The following ZNF804B variants were observed in gnomAD, a reference collection of about 807,000 sequenced individuals.
ZNF804B encodes the protein zinc finger protein 804B.
In ZNF804B, 80 loss-of-function variants were observed where a neutral mutation model predicts 101.4. The ratio of observed to expected loss-of-function variants is 0.79; its 90% confidence interval spans 0.66 to 0.95. The LOEUF is 0.95. Ranked by LOEUF, ZNF804B falls within the 40% of genes least tolerant of loss-of-function variation. ZNF804B has a pLI of 0.00. For missense variants in ZNF804B, 1,673 were observed against 1,561.9 expected (o/e 1.07, Z -1.20); for synonymous variants, 622 against 558.8 (o/e 1.11, Z -1.59).
intron 1 of ZNF804B, among the ~76,000 whole-genome samples, chr7:88,820,450 T>A (rs1790959163): frequency 6.6e-6 from 1 of 152,038 alleles, no homozygotes; most frequent in Admixed American, 6.6e-5. Context: ...CTGCCCATTA[T>A]CTCCTGGGAA....
chr7:89,220,052 T>TGTATATACAC (rs1788972616), intron 2 of ZNF804B, among the ~76,000 whole-genome samples: 1 of 136,366 alleles, frequency 7.3e-6, no homozygotes, highest in African/African-American at 2.9e-5. Context: ...TGTGCATATA[T>TGTATATACAC]ACATATATAC....
intron 1 of ZNF804B, among the ~76,000 whole-genome samples, chr7:88,983,694 A>G (rs1432467106): frequency 6.6e-6 from 1 of 152,098 alleles, no homozygotes; most frequent in Non-Finnish European, 1.5e-5. Context: ...TGAGTTAAAT[A>G]AAACATATTA....
intron 1 of ZNF804B, among the ~76,000 whole-genome samples, chr7:89,133,876 C>T (rs1790590317): frequency 6.6e-6 from 1 of 152,020 alleles, no homozygotes; most frequent in African/African-American, 2.4e-5. Context: ...TGGGGAACTC[C>T]AAGTGCTCTA....
At chr7:88,768,482 C>T (rs1284790188) in intron 1 of ZNF804B, among the ~76,000 whole-genome samples, 3 of 152,212 alleles carry the variant, frequency 2.0e-5, no homozygotes, top group Admixed American at 6.5e-5. Flanking sequence ...CTTTGGGAGG[C>T]CCAGGTGGGC....
intron 1 of ZNF804B, among the ~76,000 whole-genome samples, chr7:88,798,378 ATATCT>A (rs554344390): frequency 6.5e-4 from 99 of 152,282 alleles, no homozygotes; most frequent in African/African-American, 2.4e-3. Flanking sequence ...AAGAGTGATA[ATATCT>A]TAACAAAGCC....
chr7:89,244,302 T>C (rs1158358099), intron 2 of ZNF804B, among the ~76,000 whole-genome samples: 1 of 152,066 alleles, frequency 6.6e-6, no homozygotes, highest in Non-Finnish European at 1.5e-5. Flanking sequence ...TTATGATGAT[T>C]ATATATAGAT....
intron 2 of ZNF804B, among the ~76,000 whole-genome samples, chr7:89,236,627 G>C (rs1034797028): frequency 3.3e-5 from 5 of 152,052 alleles, no homozygotes; most frequent in African/African-American, 1.2e-4. Flanking sequence ...AAAGAGTTCA[G>C]AATCCCAAAC....
Position 89,085,916 on chromosome 7 carries a change from T to C in ZNF804B, c.109-132239T>C, listed in dbSNP as rs1416908861. Among the ~76,000 whole-genome samples, 3 of 151,992 alleles carry C rather than the reference T, an allele frequency of 2.0e-5. No individual in the cohort carries two copies. The East Asian group carries it at 5.8e-4, about 29-fold the overall frequency. ...AAAATATAATAGAGTGATATTTAGATTCTTCCGGGATTTTTAAAACACGAT... is the reference window on the plus strand; with the variant it reads ...AAAATATAATAGAGTGATATTTAGACTCTTCCGGGATTTTTAAAACACGAT... On this transcript the variant is annotated intron_variant, in intron 1 of 3. Transcript: ENST00000333190.
intron 1 of ZNF804B, among the ~76,000 whole-genome samples, chr7:89,090,532 T>A (rs969261101): frequency 2.0e-5 from 3 of 152,024 alleles, no homozygotes; most frequent in Non-Finnish European, 4.4e-5. Flanking sequence ...ATAGGTATAG[T>A]TTTAGTTTGT....
chr7:88,909,041 A>T (rs527476790), intron 1 of ZNF804B, among the ~76,000 whole-genome samples: 7 of 151,902 alleles, frequency 4.6e-5, no homozygotes, highest in African/African-American at 1.4e-4. Context: ...CTGAAGATAG[A>T]TGGAAAAAAT....
intron 2 of ZNF804B, among the ~76,000 whole-genome samples, chr7:89,280,694 G>C (rs1202441530): frequency 6.6e-6 from 1 of 152,114 alleles, no homozygotes; most frequent in Non-Finnish European, 1.5e-5. Flanking sequence ...ACTCTCCCAA[G>C]ACTAAACCAG....
chr7:88,876,518 C>G (rs1047506234), intron 1 of ZNF804B, among the ~76,000 whole-genome samples: 1 of 152,074 alleles, frequency 6.6e-6, no homozygotes, highest in Non-Finnish European at 1.5e-5. Flanking sequence ...ACCAAATCCT[C>G]AACACTTCTG....
intron 1 of ZNF804B, among the ~76,000 whole-genome samples, chr7:88,846,930 G>T (rs981654041): frequency 2.5e-5 from 3 of 118,750 alleles, no homozygotes; most frequent in Admixed American, 8.3e-5. Context: ...ATATATAAAT[G>T]TGTATACACA....
At chr7:88,956,877 G>A (rs963616929) in intron 1 of ZNF804B, among the ~76,000 whole-genome samples, 5 of 151,368 alleles carry the variant, frequency 3.3e-5, no homozygotes, top group Admixed American at 1.3e-4. Flanking sequence ...TTTTCTTGTG[G>A]CATGAAGCTT....
intron 1 of ZNF804B, among the ~76,000 whole-genome samples, chr7:88,788,053 G>A (rs1790327878): frequency 6.6e-6 from 1 of 152,024 alleles, no homozygotes; most frequent in Admixed American, 6.6e-5. Flanking sequence ...TCATTTTATA[G>A]CAACAAAGAG....
At chr7:88,854,510 T>TTCCCTTCCCTTC (rs1562812843) in intron 1 of ZNF804B, among the ~76,000 whole-genome samples, 8 of 85,950 alleles carry the variant, frequency 9.3e-5, no homozygotes, top group African/African-American at 3.4e-4. Context: ...TCCTTTCCTT[T>TTCCCTTCCCTTC]CCTTTCCTTT....
intron 1 of ZNF804B, among the ~76,000 whole-genome samples, chr7:89,076,737 A>G (rs563281213): frequency 1.4e-4 from 21 of 152,340 alleles, no homozygotes; most frequent in African/African-American, 5.0e-4. Flanking sequence ...ATGTTATACC[A>G]GAACTATTGT....
intron 1 of ZNF804B, among the ~76,000 whole-genome samples, chr7:89,031,447 C>G (rs1163527588): frequency 6.6e-6 from 1 of 151,930 alleles, no homozygotes; most frequent in Non-Finnish European, 1.5e-5. Flanking sequence ...ACATTTTTCT[C>G]TCAGTCTCCA....
intron 3 of ZNF804B, among the ~76,000 whole-genome samples, chr7:89,330,197 A>G (rs1238863645): frequency 6.6e-6 from 1 of 151,706 alleles, no homozygotes; most frequent in African/African-American, 2.4e-5. Flanking sequence ...TTCATTGAGA[A>G]TGCAACTGTG....
Sources: allele counts gnomAD v4.1 joint callset (sites outside exome capture counted in the v4.1 genomes callset), GRCh38; gene constraint gnomAD v4.1.1; transcripts MANE v1.5; gene names NCBI Gene and HGNC (gene_info 2026-07-23, HGNC 2026-07-21).